Variants in IL23R observed in about 807,000 individuals in gnomAD.
IL23R encodes interleukin-23 receptor.
IL23R carries 34 observed loss-of-function variants against 56.9 expected under a neutral mutation model. The ratio of observed to expected loss-of-function variants is 0.60; its 90% CI spans 0.45 to 0.80. The LOEUF is 0.80. Among genes scored for constraint, IL23R ranks in the 30% least tolerant of loss-of-function variants. The pLI is 0.00. For synonymous variants in IL23R, 230 were observed against 249.2 expected, an observed-to-expected ratio of 0.92 and a Z score of 0.73; for missense variants, 635 against 730.0, an observed-to-expected ratio of 0.87 and a Z score of 1.50.
intron 3 of IL23R, among the ~76,000 whole-genome samples, chr1:67,172,663 T>G (rs938780125): frequency 6.6e-6 from 1 of 152,202 alleles, no homozygotes; most frequent in African/African-American, 2.4e-5. Flanking sequence ...ATCTTTGACT[T>G]TTTAAATTTT....
chr1:67,141,921 T>C (rs1321806207), intron 1 of IL23R, among the ~76,000 whole-genome samples: 1 of 152,174 alleles, frequency 6.6e-6, no homozygotes, highest in East Asian at 1.9e-4. Flanking sequence ...GGAAGCGTAT[T>C]ACAGAAGGGA....
chr1:67,180,548 G>A (rs1382902152), intron 3 of IL23R, among the ~76,000 whole-genome samples: 30 of 151,836 alleles, frequency 2.0e-4, no homozygotes, highest in South Asian at 4.2e-4. Flanking sequence ...AATACAGCAC[G>A]CTGATGGGTC....
chr1:67,192,865 A>C (rs1483210556), intron 4 of IL23R, among the ~76,000 whole-genome samples: 1 of 152,162 alleles, frequency 6.6e-6, no homozygotes, highest in Non-Finnish European at 1.5e-5. Context: ...CTTCCTCCAG[A>C]GTCCCTTATT....
At chr1:67,240,320 A>G (rs1651767668) in intron 9 of IL23R, 39 bp downstream of exon 9, 2 of 1,323,592 alleles carry the variant, frequency 1.5e-6, no homozygotes, top group East Asian at 2.3e-5. Flanking sequence ...GATTTAGACT[A>G]CATGTATATG....
intron 4 of IL23R, among the ~76,000 whole-genome samples, chr1:67,185,875 G>T (rs531265049): frequency 9.2e-5 from 14 of 152,312 alleles, no homozygotes; most frequent in African/African-American, 3.4e-4. Context: ...AATATGCTAA[G>T]TACTGTGCTC....
chr1:67,223,136 C>A (rs537181707), intron 7 of IL23R, among the ~76,000 whole-genome samples: 11 of 152,188 alleles, frequency 7.2e-5, no homozygotes, highest in African/African-American at 2.6e-4. Context: ...TGCCTGTAAT[C>A]CCAGCTACTA....
At chr1:67,236,648 G>T (rs1190429626) in intron 7 of IL23R, 65 bp from the exon 8 acceptor site, 2 of 999,398 alleles carry the variant, frequency 2.0e-6, no homozygotes, top group East Asian at 4.8e-5. Context: ...AAGAAACTCC[G>T]TTGGGAAATT....
intron 6 of IL23R, among the ~76,000 whole-genome samples, chr1:67,211,788 T>C (rs1570857918): frequency 6.6e-6 from 1 of 152,172 alleles, no homozygotes. Context: ...TATTCTCTGC[T>C]CCCCCTGGTG....
At chr1:67,227,946 CTTTCTTTCTT>C (rs1650737304) in intron 7 of IL23R, among the ~76,000 whole-genome samples, 1 of 7,832 alleles carries the variant, frequency 1.3e-4, no homozygotes, top group Non-Finnish European at 3.8e-4. Flanking sequence ...AAAGATCTTT[CTTTCTTTCTT>C]TCTTTCTTTC....
intron 8 of IL23R, among the ~76,000 whole-genome samples, chr1:67,239,256 T>C (rs1371417631): frequency 1.3e-5 from 2 of 151,968 alleles, no homozygotes; most frequent in African/African-American, 4.8e-5. Flanking sequence ...AAAGCATTGG[T>C]TTTGTTTGTT....
intron 4 of IL23R, among the ~76,000 whole-genome samples, chr1:67,191,077 G>A (rs1042775101): frequency 6.6e-6 from 1 of 152,164 alleles, no homozygotes; most frequent in Non-Finnish European, 1.5e-5. Flanking sequence ...ACAGAACCTT[G>A]CTGACTGATA....
chr1:67,227,516 A>G (rs1230713113), intron 7 of IL23R, among the ~76,000 whole-genome samples: 1 of 151,976 alleles, frequency 6.6e-6, no homozygotes, highest in Non-Finnish European at 1.5e-5. Context: ...ACAAAACAGT[A>G]TTGGTTGTTG....
intron 7 of IL23R, among the ~76,000 whole-genome samples, chr1:67,224,106 G>C (rs909390240): frequency 6.6e-6 from 1 of 152,140 alleles, no homozygotes; most frequent in East Asian, 1.9e-4. Context: ...GAGCAAAGGA[G>C]ACAAAATTCC....
At chr1:67,198,716 G>A (rs1019113453) in intron 4 of IL23R, among the ~76,000 whole-genome samples, 1 of 152,172 alleles carries the variant, frequency 6.6e-6, no homozygotes, top group Non-Finnish European at 1.5e-5. Context: ...AGGCCAAGAC[G>A]GGCAGAGTGC....
intron 6 of IL23R, among the ~76,000 whole-genome samples, chr1:67,218,637 A>G (rs1335026866): frequency 6.6e-6 from 1 of 151,848 alleles, no homozygotes; most frequent in Admixed American, 6.6e-5. Flanking sequence ...ATATTCCAAA[A>G]TTAAGGCTGG....
At chr1:67,151,182 G>T (rs1646725588) in intron 1 of IL23R, among the ~76,000 whole-genome samples, 1 of 152,146 alleles carries the variant, frequency 6.6e-6, no homozygotes, top group East Asian at 1.9e-4. Flanking sequence ...TTGTGGTTTT[G>T]ATTTGCATTT....
chr1:67,244,856 A>G (rs988844190), intron 9 of IL23R, among the ~76,000 whole-genome samples: 1 of 152,112 alleles, frequency 6.6e-6, no homozygotes, highest in Non-Finnish European at 1.5e-5. Flanking sequence ...AAGAAAGTCA[A>G]TGGTAGCTTG....
chr1:67,223,057 C>T (rs1477685651), intron 7 of IL23R, among the ~76,000 whole-genome samples: 1 of 152,062 alleles, frequency 6.6e-6, no homozygotes, highest in East Asian at 1.9e-4. Flanking sequence ...AGTTTAAGAC[C>T]ACCCTGGCCA....
chr1:67,139,546 T>G (rs1646615296), intron 1 of IL23R, among the ~76,000 whole-genome samples: 1 of 152,204 alleles, frequency 6.6e-6, no homozygotes, highest in Non-Finnish European at 1.5e-5. Flanking sequence ...GTCTTTTTCT[T>G]CTATTAAAGA....
Sources: allele counts gnomAD v4.1 joint callset (sites outside exome capture counted in the v4.1 genomes callset), GRCh38; gene constraint gnomAD v4.1.1; transcripts MANE v1.5; gene names NCBI Gene and HGNC (gene_info 2026-07-23, HGNC 2026-07-21).